The following FILIP1L variants were observed in gnomAD, a reference collection of about 807,000 sequenced individuals.
FILIP1L encodes the protein filamin A-interacting protein 1-like.
A neutral mutation model predicts 96.6 loss-of-function variants in FILIP1L; 55 were observed. The ratio of observed to expected loss-of-function variants is 0.57; its 90% CI spans 0.46 to 0.71. The LOEUF is 0.71. FILIP1L is among the 30% of genes least tolerant of loss of function. The pLI, the probability that FILIP1L is intolerant of heterozygous loss-of-function variation, is 0.00. For missense variants in FILIP1L, 1,304 were observed against 1,321.2 expected, an observed-to-expected ratio of 0.99 and a Z score of 0.20; for synonymous variants, 467 against 473.9, an observed-to-expected ratio of 0.99 and a Z score of 0.19.
chr3:99,964,058 A>G (rs1708572521), intron 1 of FILIP1L, among the ~76,000 whole-genome samples: 1 of 152,104 alleles, frequency 6.6e-6, no homozygotes, highest in Non-Finnish European at 1.5e-5. Flanking sequence ...ATATTTGAAC[A>G]TAATAATTGT....
At chr3:99,863,698 C>T (rs554338424) in intron 4 of FILIP1L, among the ~76,000 whole-genome samples, 49 of 152,226 alleles carry the variant, frequency 3.2e-4, no homozygotes, top group African/African-American at 1.2e-3. Context: ...AAATATTTGA[C>T]ACATATTTCA....
At chr3:100,087,654 GT>G (rs898007456) in intron 1 of FILIP1L, among the ~76,000 whole-genome samples, 2 of 151,716 alleles carry the variant, frequency 1.3e-5, no homozygotes, top group African/African-American at 4.8e-5. Context: ...TAACTTGCGA[GT>G]TTTTTTCCCC....
chr3:100,071,760 C>T (rs1015916004), intron 1 of FILIP1L, among the ~76,000 whole-genome samples: 32 of 152,194 alleles, frequency 2.1e-4, no homozygotes, highest in African/African-American at 6.8e-4. Flanking sequence ...GGCTCTACCT[C>T]CTGACTTTTC....
intron 1 of FILIP1L, among the ~76,000 whole-genome samples, chr3:100,101,099 T>C (rs2066297582): frequency 6.6e-6 from 1 of 152,158 alleles, no homozygotes. Flanking sequence ...GGGTGGTACA[T>C]ACTGGAATTC....
At chr3:99,854,979 C>T (rs1469220629) in intron 4 of FILIP1L, among the ~76,000 whole-genome samples, 2 of 152,248 alleles carry the variant, frequency 1.3e-5, no homozygotes, top group Admixed American at 1.3e-4. Context: ...GGGTGGGCCT[C>T]ACAATTTGCC....
chr3:99,995,853 C>T (rs1475809289), intron 1 of FILIP1L, among the ~76,000 whole-genome samples: 1 of 152,212 alleles, frequency 6.6e-6, no homozygotes, highest in Non-Finnish European at 1.5e-5. Flanking sequence ...AGTCCCTGGG[C>T]TGCACACAGC....
intron 1 of FILIP1L, among the ~76,000 whole-genome samples, chr3:100,102,533 C>T (rs768975630): frequency 7.2e-5 from 11 of 152,130 alleles, no homozygotes; most frequent in Non-Finnish European, 1.3e-4. Flanking sequence ...TTTATCTGTA[C>T]GTCTCTTGTA....
chr3:99,838,732 A>G (rs1943000331), intron 5 of FILIP1L, among the ~76,000 whole-genome samples: 1 of 152,226 alleles, frequency 6.6e-6, no homozygotes. Flanking sequence ...AATGACCTGG[A>G]ACAGCTTTCC....
Position 100,058,645 on chromosome 3 carries a change from A to G in FILIP1L, c.-11+55408T>C, listed in dbSNP as rs79548820. Among the ~76,000 whole-genome samples, 705 of 152,268 alleles carry G rather than the reference A, an allele frequency of 4.6e-3. 10 individuals are homozygous for G. The highest frequency in any genetic ancestry group is 0.016 in the African/African-American group (646 of 41,554). ...TTTTTTCTCCTCTAAATTCCCAAGC[A>G]CCTCACCACAAACTGACTTCATTTT... On this transcript the variant is annotated intron_variant, in intron 1 of 5. Transcript: ENST00000477258.
intron 1 of FILIP1L, among the ~76,000 whole-genome samples, chr3:100,081,023 G>A (rs2065923628): frequency 6.6e-6 from 1 of 152,176 alleles, no homozygotes; most frequent in African/African-American, 2.4e-5. Context: ...TATCTGTTGA[G>A]CATCTTGTGT....
At position 100,114,149 on chromosome 3, in the gene FILIP1L, TTTC is replaced by T. The variant is rs1476920889; in HGVS notation, c.-110_-108del. 1 of 151,840 alleles carries T rather than the reference TTTC, an allele frequency of 6.6e-6. No homozygotes were observed. Among genetic ancestry groups the T allele is most frequent in the Non-Finnish European group, 1.5e-5 (1 of 68,016 alleles). 9.4% of individuals were successfully genotyped at this position (151,840 alleles called of 1,614,324 possible). Reference sequence around the variant, plus strand: ...TGGAATCCAGGACCAACAACAACGTTTTCTTCTTCTCTTTTTGGACACCCTCTC... The same window carrying T: ...TGGAATCCAGGACCAACAACAACGTTTTCTTCTCTTTTTGGACACCCTCTC... On this transcript the variant is annotated 5_prime_UTR_variant, in exon 1 of 6. Transcript: ENST00000477258.
intron 1 of FILIP1L, among the ~76,000 whole-genome samples, chr3:100,052,284 A>G (rs1441354058): frequency 6.6e-6 from 1 of 152,228 alleles, no homozygotes; most frequent in African/African-American, 2.4e-5. Context: ...CAGTCCAGAA[A>G]CGAATAAAAA....
Position 100,095,198 on chromosome 3 carries a change from T to C in FILIP1L, c.-11+18855A>G, listed in dbSNP as rs190185394. Among the ~76,000 whole-genome samples the C allele has an allele frequency of 2.8e-3, 419 of 152,358 alleles. 2 individuals carry two copies. The highest frequency in any genetic ancestry group is 9.5e-3 in the African/African-American group (394 of 41,588). ...CCCACTTTCTCTTCTTTTTCAACACTGTTTTAGTTATTCTATTTACCTTTC... is the reference window on the plus strand; with the variant it reads ...CCCACTTTCTCTTCTTTTTCAACACCGTTTTAGTTATTCTATTTACCTTTC... On this transcript the variant is annotated intron_variant, in intron 1 of 5. Transcript: ENST00000477258.
Position 100,074,675 on chromosome 3 carries a change from A to ATTTTTTTTTTTTTTTTTTTTT in FILIP1L, c.-11+39357_-11+39377dup, listed in dbSNP as rs555819875. Among the ~76,000 whole-genome samples, 67 of 34,800 alleles carry ATTTTTTTTTTTTTTTTTTTTT rather than the reference A, an allele frequency of 1.9e-3. 25 individuals carry two copies. The highest frequency in any genetic ancestry group is 3.0e-3 in the African/African-American group (25 of 8,454). 22.8% of individuals were successfully genotyped at this position (34,800 alleles called of 152,430 possible). A position where few individuals can be genotyped will look rare whatever the true frequency, so the allele number is the denominator to read the frequency against. ...ATTTTCTATGCATGTGCAACATTTG[A>ATTTTTTTTTTTTTTTTTTTTT]TTTTTTTTTTTTTTTTTTTTTTTTT... On this transcript the variant is annotated intron_variant, in intron 1 of 5. Transcript: ENST00000477258.
At chr3:99,938,328 T>A (rs1707755335) in intron 1 of FILIP1L, among the ~76,000 whole-genome samples, 2 of 152,226 alleles carry the variant, frequency 1.3e-5, no homozygotes, top group Non-Finnish European at 2.9e-5. Context: ...TTTTTAAGCA[T>A]GTAACATTTT....
intron 1 of FILIP1L, among the ~76,000 whole-genome samples, chr3:99,977,884 C>A (rs1364631870): frequency 6.6e-6 from 1 of 151,968 alleles, no homozygotes; most frequent in Non-Finnish European, 1.5e-5. Flanking sequence ...CAGTTCAAAG[C>A]ACATAATATG....
chr3:100,047,473 A>G (rs2065295776), intron 1 of FILIP1L, among the ~76,000 whole-genome samples: 1 of 152,230 alleles, frequency 6.6e-6, no homozygotes, highest in Admixed American at 6.5e-5. Context: ...TGTCCTCCTT[A>G]AAGAATACCA....
chr3:99,938,074 TGCGCGC>T (rs57534383), intron 1 of FILIP1L, among the ~76,000 whole-genome samples: 2 of 85,208 alleles, frequency 2.3e-5, no homozygotes, highest in South Asian at 5.9e-4. Flanking sequence ...TGTGTGTGTG[TGCGCGC>T]GCGCGCGCGC....
chr3:100,000,696 T>C (rs760991497), intron 1 of FILIP1L, among the ~76,000 whole-genome samples: 5 of 152,236 alleles, frequency 3.3e-5, no homozygotes, highest in African/African-American at 4.8e-5. Context: ...ACCTGGGCGA[T>C]AGCGCAAGAC....
Sources: gnomAD v4.1 joint callset for allele counts (sites outside exome capture counted in the v4.1 genomes callset) on GRCh38, gnomAD v4.1.1 for gene constraint, MANE v1.5 for transcripts, NCBI Gene and HGNC (gene_info 2026-07-23, HGNC 2026-07-21) for gene names.